The following MTRF1 variants were observed in gnomAD, a reference collection of about 807,000 sequenced individuals.
MTRF1 encodes the protein mitochondrial translation release factor 1.
Under a neutral mutation model 62.9 loss-of-function variants are expected in MTRF1, and 51 were observed. That is an observed-to-expected ratio of 0.81 (90% CI 0.65 to 1.02). MTRF1 has a LOEUF of 1.02. Ranked by LOEUF, MTRF1 falls within the 50% of genes least tolerant of loss-of-function variation. The probability of loss-of-function intolerance (pLI) is 0.00; values close to 1 mark genes in which losing one functional copy is unlikely to be tolerated. For synonymous variants in MTRF1, 158 were observed against 181.9 expected (o/e 0.87, Z 1.06); for missense variants, 446 against 530.0 (o/e 0.84, Z 1.56).
the MTRF1 span, among the ~76,000 whole-genome samples, chr13:41,290,241 G>A: frequency 6.6e-6 from 1 of 150,886 alleles, no homozygotes. Context: ...GGGACTACAG[G>A]CGTGCACCAC....
chr13:41,254,764 G>A, intron 2 of MTRF1, 144 bp from the exon 3 acceptor site: 2 of 550,266 alleles, frequency 3.6e-6, no homozygotes, highest in South Asian at 3.1e-5. Context: ...AGAATATTTG[G>A]AGAATGTCAA....
At chr13:41,298,141 T>C in the MTRF1 span, among the ~76,000 whole-genome samples, 13 of 152,342 alleles carry the variant, frequency 8.5e-5, no homozygotes, top group African/African-American at 3.1e-4. Flanking sequence ...TTGGAACTTA[T>C]TAGGTTAGAC....
intron 2 of MTRF1, among the ~76,000 whole-genome samples, chr13:41,255,790 G>A (rs2039632758): frequency 6.6e-6 from 1 of 152,090 alleles, no homozygotes; most frequent in Admixed American, 6.6e-5. Flanking sequence ...TATTTCCAAA[G>A]GAGAAAGTTA....
At chr13:41,228,654 A>G (rs1261967358) in intron 7 of MTRF1, among the ~76,000 whole-genome samples, 1 of 152,212 alleles carries the variant, frequency 6.6e-6, no homozygotes, top group Admixed American at 6.5e-5. Flanking sequence ...AGCCCACTTT[A>G]ATGCACAAAA....
At chr13:41,271,885 G>A in the MTRF1 span, among the ~76,000 whole-genome samples, 76,735 of 151,878 alleles carry the variant, frequency 0.51, 20,632 homozygotes, top group South Asian at 0.62. Context: ...TCAACTTGAG[G>A]AGAAAAAGGA....
chr13:41,267,156 CT>C (rs1004086083), upstream of MTRF1, among the ~76,000 whole-genome samples: 4 of 150,728 alleles, frequency 2.7e-5, no homozygotes, highest in African/African-American at 9.7e-5. Context: ...TCCTTTTCTT[CT>C]TTTTTTTTCC....
chr13:41,249,784 G>A (rs1050230055), intron 5 of MTRF1, among the ~76,000 whole-genome samples: 4 of 151,226 alleles, frequency 2.6e-5, no homozygotes, highest in East Asian at 2.0e-4. Flanking sequence ...GCACTGCCAC[G>A]CCTGGCCAAT....
intron 2 of MTRF1, among the ~76,000 whole-genome samples, chr13:41,258,575 C>CAA (rs11320576): frequency 5.3e-5 from 7 of 133,120 alleles, no homozygotes; most frequent in Non-Finnish European, 7.9e-5. Context: ...AAAAAAAAAA[C>CAA]AAAAAAAAAA....
At chr13:41,301,424 C>T in the MTRF1 span, among the ~76,000 whole-genome samples, 9 of 152,048 alleles carry the variant, frequency 5.9e-5, no homozygotes, top group African/African-American at 2.2e-4. Context: ...GATGTATTGA[C>T]TTGGGAGGTG....
the MTRF1 span, among the ~76,000 whole-genome samples, chr13:41,288,640 A>G: frequency 6.6e-6 from 1 of 152,164 alleles, no homozygotes; most frequent in Non-Finnish European, 1.5e-5. Flanking sequence ...GCCATTTGGT[A>G]TTGGAATACA....
chr13:41,276,697 G>A, the MTRF1 span, among the ~76,000 whole-genome samples: 7 of 152,082 alleles, frequency 4.6e-5, no homozygotes, highest in Admixed American at 4.6e-4. Flanking sequence ...ATGATAATGA[G>A]CCTTCCCCCA....
intron 5 of MTRF1, among the ~76,000 whole-genome samples, chr13:41,240,742 GAAT>G (rs1363013431): frequency 2.6e-5 from 4 of 152,136 alleles, no homozygotes; most frequent in African/African-American, 7.2e-5. Context: ...CTGGGGAATA[GAAT>G]AATACTTTTT....
chr13:41,269,110 TC>T, the MTRF1 span, among the ~76,000 whole-genome samples: 1 of 151,142 alleles, frequency 6.6e-6, no homozygotes, highest in Non-Finnish European at 1.5e-5. Flanking sequence ...CTTTAAGCTT[TC>T]TTACCAAAAA....
At chr13:41,252,575 G>T in intron 5 of MTRF1, 70 bp downstream of exon 5, 1 of 1,213,510 alleles carries the variant, frequency 8.2e-7, no homozygotes, top group Non-Finnish European at 1.2e-6. Flanking sequence ...GGGACAATAT[G>T]GTTCTAATCA....
the MTRF1 span, among the ~76,000 whole-genome samples, chr13:41,277,941 CA>C: frequency 6.6e-6 from 1 of 152,294 alleles, no homozygotes; most frequent in South Asian, 2.1e-4. Context: ...GGTCAAAGAC[CA>C]AATGTATATT....
the MTRF1 span, among the ~76,000 whole-genome samples, chr13:41,280,454 C>T: frequency 6.6e-6 from 1 of 152,140 alleles, no homozygotes; most frequent in Non-Finnish European, 1.5e-5. Context: ...CAAGCTGCAC[C>T]CCAACCACTT....
At chr13:41,305,880 T>C in the MTRF1 span, among the ~76,000 whole-genome samples, 20 of 152,358 alleles carry the variant, frequency 1.3e-4, no homozygotes, top group South Asian at 1.0e-3. Context: ...TTGCTTTAAG[T>C]CCCTCATAGG....
At chr13:41,299,987 G>T in the MTRF1 span, among the ~76,000 whole-genome samples, 1 of 152,130 alleles carries the variant, frequency 6.6e-6, no homozygotes, top group African/African-American at 2.4e-5. Context: ...CCTCAAGAAA[G>T]CCAGAAAGAT....
intron 5 of MTRF1, among the ~76,000 whole-genome samples, chr13:41,243,558 T>C (rs2037830104): frequency 1.3e-5 from 2 of 152,182 alleles, no homozygotes; most frequent in South Asian, 4.1e-4. Context: ...ATGCTAATAC[T>C]CTGGCTACTG....
Sources: allele counts gnomAD v4.1 joint callset (sites outside exome capture counted in the v4.1 genomes callset), GRCh38; gene constraint gnomAD v4.1.1; transcripts MANE v1.5; gene names NCBI Gene and HGNC (gene_info 2026-07-23, HGNC 2026-07-21).